Variants in DCLK1 observed in about 807,000 individuals in gnomAD.
The protein encoded by DCLK1 is serine/threonine-protein kinase DCLK1.
A neutral mutation model predicts 86.2 loss-of-function variants in DCLK1; 16 were observed. The observed-to-expected ratio is 0.19, with a 90% confidence interval of 0.13 to 0.28. The LOEUF (loss-of-function observed/expected upper bound fraction) is 0.28. Among genes scored for constraint, DCLK1 ranks in the 10% least tolerant of loss-of-function variants. DCLK1 has a pLI of 1.00. For synonymous variants in DCLK1, 369 were observed against 370.5 expected, an observed-to-expected ratio of 1.00 and a Z score of 0.05; for missense variants, 590 against 940.2, an observed-to-expected ratio of 0.63 and a Z score of 4.87.
At chr13:35,942,059 A>G (rs1877112075) in intron 4 of DCLK1, among the ~76,000 whole-genome samples, 1 of 152,188 alleles carries the variant, frequency 6.6e-6, no homozygotes, top group Admixed American at 6.5e-5. Flanking sequence ...CTTGTTAGAT[A>G]CAATCCACCC....
chr13:35,791,514 TTTTA>T (rs1001044441), intron 16 of DCLK1, among the ~76,000 whole-genome samples: 1 of 152,088 alleles, frequency 6.6e-6, no homozygotes, highest in African/African-American at 2.4e-5. Flanking sequence ...CTAATGAGTG[TTTTA>T]AGATCCAGCT....
intron 4 of DCLK1, among the ~76,000 whole-genome samples, chr13:35,932,040 T>G (rs1465711720): frequency 6.6e-6 from 1 of 152,188 alleles, no homozygotes; most frequent in East Asian, 1.9e-4. Flanking sequence ...AACATTATTT[T>G]GGGGTGTGTC....
intron 3 of DCLK1, among the ~76,000 whole-genome samples, chr13:35,984,516 C>T (rs74044275): frequency 6.6e-6 from 1 of 152,154 alleles, no homozygotes. Context: ...AGGCAGCAAA[C>T]TATCAACTTT....
rs370854357 is a variant in DCLK1 at position 35,815,800 on chromosome 13, T to C, written c.1555-4832A>G. On this transcript the variant is annotated intron_variant, in intron 11 of 16. Transcript: ENST00000360631. ...GGCCCATGTACTTTTGAATTAAATC[T>C]CCTGGAAAAACATAATAAAAAAATT... Among the ~76,000 whole-genome samples the C allele has an allele frequency of 2.6e-4, 40 of 152,162 alleles. 1 individual carries two copies. The South Asian group carries it at 8.3e-3, about 32-fold the overall frequency.
At chr13:36,100,717 A>G (rs1388032351) in intron 3 of DCLK1, among the ~76,000 whole-genome samples, 3 of 152,170 alleles carry the variant, frequency 2.0e-5, no homozygotes, top group Non-Finnish European at 4.4e-5. Flanking sequence ...AGTCATGGGC[A>G]GCCCCTGCCA....
At chr13:35,850,995 T>A (rs191448808) in intron 6 of DCLK1, among the ~76,000 whole-genome samples, 1 of 152,214 alleles carries the variant, frequency 6.6e-6, no homozygotes, top group Non-Finnish European at 1.5e-5. Context: ...TGCCTCTTGG[T>A]CTACTCATAA....
At chr13:35,902,771 T>C (rs1874452156) in intron 4 of DCLK1, among the ~76,000 whole-genome samples, 1 of 152,076 alleles carries the variant, frequency 6.6e-6, no homozygotes, top group Admixed American at 6.5e-5. Context: ...CTCCTAACAC[T>C]TCTAGCAATT....
At chr13:36,112,790 A>G (rs1885661599) in intron 2 of DCLK1, among the ~76,000 whole-genome samples, 1 of 152,216 alleles carries the variant, frequency 6.6e-6, no homozygotes, top group South Asian at 2.1e-4. Context: ...CACACATACT[A>G]TAAGGTCAAT....
chr13:35,903,062 C>G (rs767082763), intron 4 of DCLK1, among the ~76,000 whole-genome samples: 18 of 152,060 alleles, frequency 1.2e-4, no homozygotes, highest in South Asian at 1.0e-3. Flanking sequence ...TCTTCAGCAG[C>G]CTTCTCAGTG....
intron 4 of DCLK1, among the ~76,000 whole-genome samples, chr13:35,900,086 A>C (rs1874259225): frequency 6.6e-6 from 1 of 152,214 alleles, no homozygotes; most frequent in African/African-American, 2.4e-5. Flanking sequence ...AAGTCAAGTT[A>C]AAATAAATGA....
chr13:36,084,163 T>C (rs1160907453), intron 3 of DCLK1, among the ~76,000 whole-genome samples: 2 of 152,120 alleles, frequency 1.3e-5, no homozygotes, highest in African/African-American at 4.8e-5. Flanking sequence ...TGCAGAAATG[T>C]CAGTAAACAT....
At chr13:35,949,828 T>TTG (rs1441554771) in intron 3 of DCLK1, among the ~76,000 whole-genome samples, 5 of 150,576 alleles carry the variant, frequency 3.3e-5, no homozygotes, top group African/African-American at 7.3e-5. Context: ...TTGGGCAGTT[T>TTG]TTTTTTTTTT....
chr13:36,079,578 G>C (rs572546765), intron 3 of DCLK1, among the ~76,000 whole-genome samples: 1 of 152,238 alleles, frequency 6.6e-6, no homozygotes, highest in East Asian at 1.9e-4. Flanking sequence ...GGTGCAGTGA[G>C]CCAAGTTCGC....
intron 6 of DCLK1, among the ~76,000 whole-genome samples, chr13:35,840,669 C>T (rs941340793): frequency 6.6e-6 from 1 of 152,168 alleles, no homozygotes; most frequent in Non-Finnish European, 1.5e-5. Context: ...TCTTTTGTAA[C>T]CAGCAGCACA....
In DCLK1 at chr13:35,949,175, G is replaced by A. The variant is rs117556956; in HGVS notation, c.724-1718C>T. ...CTCCTAAAGTGTGGATGATTAATAC[G>A]TTTTGTGCAAAAGAGAGTTCTAAAG... On this transcript the variant is annotated intron_variant, in intron 3 of 16. Coordinates refer to ENST00000360631, the MANE Select transcript of DCLK1 (RefSeq NM_001330071.2). Among the ~76,000 whole-genome samples the A allele has an allele frequency of 4.1e-3, 619 of 152,314 alleles. 14 individuals are homozygous for A. The East Asian group carries it at 0.054, about 13-fold the overall frequency.
chr13:35,892,491 T>G (rs1200936081), intron 4 of DCLK1, among the ~76,000 whole-genome samples: 1 of 152,188 alleles, frequency 6.6e-6, no homozygotes, highest in Non-Finnish European at 1.5e-5. Flanking sequence ...ACTGTCAATG[T>G]TTTCTATCCA....
At position 35,855,609 on chromosome 13, in the gene DCLK1, A is replaced by C. The variant is rs1341776691; in HGVS notation, c.941-1016T>G. On this transcript the variant is annotated intron_variant, in intron 5 of 16. Transcript: ENST00000360631. ...TAAGCCAAGCACCCGCGGAAATGGGAATCGGTTGGATGAGTTTAAGGATGG... is the reference window on the plus strand; with the variant it reads ...TAAGCCAAGCACCCGCGGAAATGGGCATCGGTTGGATGAGTTTAAGGATGG... 3 of 1,548,626 alleles carry C rather than the reference A, an allele frequency of 1.9e-6. No homozygotes were observed. The Admixed American group carries it at 5.7e-5, about 29-fold the overall frequency.
At chr13:36,129,388 C>T (rs1408140389) in intron 1 of DCLK1, among the ~76,000 whole-genome samples, 1 of 152,200 alleles carries the variant, frequency 6.6e-6, no homozygotes, top group Non-Finnish European at 1.5e-5. Flanking sequence ...ACAGGTTCAT[C>T]CAGGGCAGGG....
At chr13:35,846,954 A>G (rs1346804899) in intron 6 of DCLK1, 24 of 985,138 alleles carry the variant, frequency 2.4e-5, no homozygotes, top group Non-Finnish European at 2.5e-5. Context: ...CTTACTTCAT[A>G]TCAAATATAC....
Sources: gnomAD v4.1 joint callset for allele counts (sites outside exome capture counted in the v4.1 genomes callset) on GRCh38, gnomAD v4.1.1 for gene constraint, MANE v1.5 for transcripts, NCBI Gene and HGNC (gene_info 2026-07-23, HGNC 2026-07-21) for gene names.